LPP: variants seen among roughly 807,000 people sequenced by gnomAD.
The protein encoded by LPP is LIM domain containing preferred translocation partner in lipoma.
LPP carries 38 observed loss-of-function variants against 60.4 expected under a neutral mutation model. The ratio of observed to expected loss-of-function variants is 0.63; its 90% CI spans 0.49 to 0.83. The LOEUF (loss-of-function observed/expected upper bound fraction) is 0.83, where lower values mean the gene tolerates loss of function less well. Ranked by LOEUF, LPP falls within the 40% of genes least tolerant of loss-of-function variation. The pLI is 0.00. For missense variants in LPP, 902 were observed against 783.6 expected, an observed-to-expected ratio of 1.15 and a Z score of -1.80; for synonymous variants, 328 against 290.8, an observed-to-expected ratio of 1.13 and a Z score of -1.30.
At chr3:188,531,446 T>C (rs1256281862) in intron 6 of LPP, among the ~76,000 whole-genome samples, 1 of 152,144 alleles carries the variant, frequency 6.6e-6, no homozygotes, top group Non-Finnish European at 1.5e-5. Flanking sequence ...CTTGGTGGGC[T>C]CCTGGATTTT....
intron 8 of LPP, among the ~76,000 whole-genome samples, chr3:188,714,911 T>C (rs1167654500): frequency 2.0e-5 from 3 of 152,064 alleles, no homozygotes; most frequent in East Asian, 1.9e-4. Context: ...GGAAACATAG[T>C]AGAAAGTTGG....
At chr3:188,361,960 T>G (rs1281350314) in intron 3 of LPP, among the ~76,000 whole-genome samples, 4 of 152,176 alleles carry the variant, frequency 2.6e-5, no homozygotes, top group Non-Finnish European at 5.9e-5. Context: ...TATGGCTAAA[T>G]GTACTTCCTT....
At chr3:188,447,797 T>C (rs879334433) in intron 4 of LPP, among the ~76,000 whole-genome samples, 1 of 151,584 alleles carries the variant, frequency 6.6e-6, no homozygotes, top group Non-Finnish European at 1.5e-5. Flanking sequence ...AAAAGGTGAC[T>C]CTCCGGGATT....
At chr3:188,800,435 T>C (rs373075563) in intron 9 of LPP, among the ~76,000 whole-genome samples, 1,771 of 151,668 alleles carry the variant, frequency 0.012, 24 homozygotes, top group African/African-American at 0.021. Context: ...TTAGTAGAGG[T>C]GGGGTTTCAT....
Position 188,447,331 on chromosome 3 carries a change from G to A in LPP, c.194-37261G>A, listed in dbSNP as rs148507348. ...AGGTCCAAAGCAAAAGTGACTCTTGGCTGGGCGTGGTGGCTCACGCCTGTA... is the reference window on the plus strand; with the variant it reads ...AGGTCCAAAGCAAAAGTGACTCTTGACTGGGCGTGGTGGCTCACGCCTGTA... On this transcript the variant is annotated intron_variant, in intron 4 of 11. Transcript: ENST00000617246. 2.5e-3 allele frequency among the ~76,000 whole-genome samples: 387 copies of A among 152,294 alleles called. 1 individual carries two copies. The highest frequency in any genetic ancestry group is 0.014 in the Middle Eastern group (4 of 294).
At chr3:188,536,824 C>G (rs1377906093) in intron 6 of LPP, among the ~76,000 whole-genome samples, 1 of 152,164 alleles carries the variant, frequency 6.6e-6, no homozygotes, top group East Asian at 1.9e-4. Flanking sequence ...GTGTCTTGAA[C>G]TCTTTCTAAT....
intron 8 of LPP, among the ~76,000 whole-genome samples, chr3:188,745,422 A>G (rs534661211): frequency 6.6e-6 from 1 of 152,292 alleles, no homozygotes; most frequent in South Asian, 2.1e-4. Context: ...TCATTCCTGT[A>G]TTCATTTGTG....
At chr3:188,338,987 C>T (rs1762378669) in intron 2 of LPP, among the ~76,000 whole-genome samples, 1 of 152,112 alleles carries the variant, frequency 6.6e-6, no homozygotes, top group Non-Finnish European at 1.5e-5. Flanking sequence ...TCTTTACCCC[C>T]TGTTATTTTC....
Position 188,316,121 on chromosome 3 carries a change from CA to C in LPP, c.-66-25535del, listed in dbSNP as rs887261509. On this transcript the variant is annotated intron_variant, in intron 2 of 11. Transcript: ENST00000617246. ...AAACCTGATCTCTACTAAAAAAATA[CA>C]AAAAAACCAGCCAGGCATGGTGGCA... is the stretch of plus-strand genomic sequence containing the variant. Among the ~76,000 whole-genome samples, 10 of 151,914 alleles carry C rather than the reference CA, an allele frequency of 6.6e-5. No individual in the cohort carries two copies. The East Asian group carries it at 7.7e-4, about 12-fold the overall frequency.
intron 8 of LPP, among the ~76,000 whole-genome samples, chr3:188,746,169 G>A (rs147342295): frequency 6.6e-6 from 1 of 152,122 alleles, no homozygotes; most frequent in East Asian, 1.9e-4. Context: ...CCATCATTAT[G>A]GCACTCCCTA....
chr3:188,689,078 G>T (rs1861526909), intron 7 of LPP, among the ~76,000 whole-genome samples: 1 of 152,204 alleles, frequency 6.6e-6, no homozygotes, highest in Admixed American at 6.5e-5. Context: ...CTATCTCTGT[G>T]CCTGGTACAT....
intron 9 of LPP, among the ~76,000 whole-genome samples, chr3:188,842,234 G>A (rs139137630): frequency 6.6e-6 from 1 of 152,172 alleles, no homozygotes; most frequent in Non-Finnish European, 1.5e-5. Flanking sequence ...GAGGCAAAAT[G>A]ATATCTGATT....
At position 188,878,736 on chromosome 3, in the gene LPP, A is replaced by G. The variant is rs1377085401; in HGVS notation, c.*4257A>G. 2 of 200,346 alleles carry G rather than the reference A, an allele frequency of 1.0e-5. No individual in the cohort carries two copies. The highest frequency in any genetic ancestry group is 2.3e-5 in the African/African-American group (1 of 42,738). 12.4% of individuals were successfully genotyped at this position (200,346 alleles called of 1,614,324 possible). ...ATGATAACCACCAAATCTCAAAAAT[A>G]TACTCACCAAAAAGTAAAAAAGTAA... On this transcript the variant is annotated 3_prime_UTR_variant, in exon 12 of 12. Transcript: ENST00000617246.
Position 188,880,868 on chromosome 3 carries a change from A to G in LPP, c.*6389A>G, listed in dbSNP as rs1364940673. On this transcript the variant is annotated 3_prime_UTR_variant, in exon 12 of 12. Transcript: ENST00000617246. ...CCCCCAAACACGAATGCTATTCCCA[A>G]ATAAAATAGAATCATGCTTTGGGAG... 5.7e-6 allele frequency: 1 copy of G among 175,354 alleles called. No individual in the cohort carries two copies. Among genetic ancestry groups the G allele is most frequent in the Non-Finnish European group, 1.2e-5 (1 of 81,372 alleles). The allele number at this position is 175,354 out of a possible 1,614,324, so 10.9% of individuals were successfully genotyped here. A position where few individuals can be genotyped will look rare whatever the true frequency, so the allele number is the denominator to read the frequency against.
At chr3:188,845,019 G>A (rs1015552934) in intron 9 of LPP, among the ~76,000 whole-genome samples, 19 of 152,256 alleles carry the variant, frequency 1.2e-4, no homozygotes, top group African/African-American at 3.4e-4. Context: ...TTACTGAGGC[G>A]CAGAGCTTTA....
intron 3 of LPP, among the ~76,000 whole-genome samples, chr3:188,361,084 G>A (rs1769169036): frequency 6.6e-6 from 1 of 152,168 alleles, no homozygotes; most frequent in African/African-American, 2.4e-5. Flanking sequence ...TGGAAGACTA[G>A]GTGGAGCTGA....
intron 2 of LPP, among the ~76,000 whole-genome samples, chr3:188,287,029 T>C (rs936850061): frequency 2.6e-5 from 4 of 152,160 alleles, no homozygotes; most frequent in Admixed American, 1.3e-4. Context: ...GCCTCCCAAG[T>C]AGCTGGGATT....
At chr3:188,621,747 G>A (rs906726909) in intron 7 of LPP, among the ~76,000 whole-genome samples, 3 of 151,900 alleles carry the variant, frequency 2.0e-5, no homozygotes, top group East Asian at 1.9e-4. Context: ...TATAACCTCC[G>A]CCTCTGGGTT....
rs912019905 is a variant in LPP, at chr3:188,884,384, G to C, written c.*9905G>C. The C allele has an allele frequency of 4.3e-6, 1 of 230,336 alleles. No individual in the cohort carries two copies. Among genetic ancestry groups the C allele is most frequent in the Non-Finnish European group, 8.6e-6 (1 of 116,366 alleles). 14.3% of individuals were successfully genotyped at this position (230,336 alleles called of 1,614,324 possible). On this transcript the variant is annotated 3_prime_UTR_variant, in exon 12 of 12. Coordinates refer to ENST00000617246, the MANE Select transcript of LPP (RefSeq NM_001375462.1). ...CCCCAGTCATCCAGGGAAATTCAGA[G>C]ACCAATTGACTGCCAGGTGGCAAAT...
Sources: gnomAD v4.1 joint callset for allele counts (sites outside exome capture counted in the v4.1 genomes callset) on GRCh38, gnomAD v4.1.1 for gene constraint, MANE v1.5 for transcripts, NCBI Gene and HGNC (gene_info 2026-07-23, HGNC 2026-07-21) for gene names.